CDH2: variants seen among roughly 807,000 people sequenced by gnomAD.
CDH2 encodes cadherin 2, also known as cadherin-2.
A neutral mutation model predicts 92.0 loss-of-function variants in CDH2; 17 were observed. The observed-to-expected ratio is 0.18, with a 90% CI of 0.13 to 0.28. The LOEUF (loss-of-function observed/expected upper bound fraction) is 0.28. Among genes scored for constraint, CDH2 ranks in the 10% least tolerant of loss-of-function variants. The pLI, the probability that CDH2 is intolerant of heterozygous loss-of-function variation, is 1.00. For missense variants in CDH2, 862 were observed against 1,133.1 expected, an observed-to-expected ratio of 0.76 and a Z score of 3.44; for synonymous variants, 419 against 415.9, an observed-to-expected ratio of 1.01 and a Z score of -0.09.
intron 2 of CDH2, among the ~76,000 whole-genome samples, chr18:28,063,764 A>T (rs1393483972): frequency 6.6e-6 from 1 of 152,236 alleles, no homozygotes; most frequent in East Asian, 1.9e-4. Context: ...GTAAAACTTC[A>T]TACCATTTAA....
intron 2 of CDH2, among the ~76,000 whole-genome samples, chr18:28,110,456 G>T (rs1238799906): frequency 6.6e-6 from 1 of 152,036 alleles, no homozygotes; most frequent in African/African-American, 2.4e-5. Flanking sequence ...ACCAAGAAAA[G>T]AAGTCAGTTG....
At chr18:28,086,443 T>C (rs1204181438) in intron 2 of CDH2, among the ~76,000 whole-genome samples, 3 of 152,058 alleles carry the variant, frequency 2.0e-5, no homozygotes, top group Non-Finnish European at 4.4e-5. Context: ...TTATTTATCA[T>C]TCAATCACAC....
intron 2 of CDH2, among the ~76,000 whole-genome samples, chr18:28,064,229 C>T (rs2014462471): frequency 6.6e-6 from 1 of 151,954 alleles, no homozygotes; most frequent in Admixed American, 6.6e-5. Context: ...GGAGGCAATC[C>T]CTGGGGAGTG....
chr18:27,997,964 G>A (rs965421986), intron 7 of CDH2, among the ~76,000 whole-genome samples: 3 of 151,954 alleles, frequency 2.0e-5, no homozygotes, highest in Admixed American at 6.6e-5. Context: ...CCGCAACCAC[G>A]CCTGGCTAAT....
intron 2 of CDH2, among the ~76,000 whole-genome samples, chr18:28,145,702 C>G (rs902286639): frequency 6.6e-6 from 1 of 151,844 alleles, no homozygotes; most frequent in Non-Finnish European, 1.5e-5. Context: ...TTCTTCCTTC[C>G]AAAAAGTTGT....
At chr18:28,155,711 G>A (rs2016198608) in intron 1 of CDH2, among the ~76,000 whole-genome samples, 2 of 152,186 alleles carry the variant, frequency 1.3e-5, no homozygotes, top group Non-Finnish European at 2.9e-5. Context: ...AGTACATGGT[G>A]ATAGAGTAAT....
intron 6 of CDH2, among the ~76,000 whole-genome samples, chr18:28,005,404 C>T (rs572251203): frequency 6.6e-5 from 10 of 152,256 alleles, no homozygotes; most frequent in East Asian, 1.9e-4. Context: ...GCTATGACTT[C>T]GCCACCTAGT....
intron 2 of CDH2, among the ~76,000 whole-genome samples, chr18:28,089,030 G>A (rs2014988830): frequency 6.6e-6 from 1 of 152,136 alleles, no homozygotes; most frequent in Non-Finnish European, 1.5e-5. Context: ...CTGTGATTTA[G>A]TTTCATTCAT....
Position 28,147,718 on chromosome 18 carries a change from C to A in CDH2, c.127G>T (p.Ala43Ser). The A allele has an allele frequency of 6.2e-7, 1 of 1,612,656 alleles. No homozygotes were observed. Among genetic ancestry groups the A allele is most frequent in the Non-Finnish European group, 8.5e-7 (1 of 1,179,200 alleles). ...TCATGCACATCCTTCGATAAGACTG[C>A]ACTGTAAACATCTTCAGGAAATCCA... ...KTGFPEDVYS[A>S]VLSKDVHEGQ... is the part of the protein sequence containing the mutation. The change falls in exon 2 of 16, where the codon GCA (alanine) becomes TCA (serine). Residue 43 changes from alanine to serine, a missense_variant. Transcript: ENST00000269141.
intron 1 of CDH2, among the ~76,000 whole-genome samples, chr18:28,167,192 T>A (rs2016398286): frequency 6.6e-6 from 1 of 152,100 alleles, no homozygotes; most frequent in South Asian, 2.1e-4. Flanking sequence ...TTGTCTCCAC[T>A]CTCGTTCTAA....
intron 2 of CDH2, among the ~76,000 whole-genome samples, chr18:28,103,169 T>C (rs2015256112): frequency 6.8e-6 from 1 of 146,168 alleles, no homozygotes; most frequent in Non-Finnish European, 1.5e-5. Context: ...CCTTTATATA[T>C]ATATAAAGTA....
At chr18:28,064,773 A>C (rs796344117) in intron 2 of CDH2, among the ~76,000 whole-genome samples, 6 of 152,192 alleles carry the variant, frequency 3.9e-5, no homozygotes, top group African/African-American at 1.2e-4. Context: ...GCCTTGAGAG[A>C]ATCAGGTCCC....
At chr18:28,123,838 G>T (rs1295615798) in intron 2 of CDH2, among the ~76,000 whole-genome samples, 1 of 152,106 alleles carries the variant, frequency 6.6e-6, no homozygotes, top group East Asian at 1.9e-4. Flanking sequence ...AGAACTGAAA[G>T]CACTTTTGTT....
chr18:28,015,147 G>C (rs2013208115), intron 2 of CDH2, among the ~76,000 whole-genome samples: 1 of 152,054 alleles, frequency 6.6e-6, no homozygotes, highest in African/African-American at 2.4e-5. Context: ...CAGTTCTTCT[G>C]CTGTCATTAG....
downstream of CDH2, among the ~76,000 whole-genome samples, chr18:27,949,870 T>TA (rs1266030996): frequency 1.3e-5 from 2 of 151,886 alleles, no homozygotes; most frequent in African/African-American, 4.8e-5. Context: ...TACAAACACT[T>TA]AAAGTTTATA....
chr18:27,977,812 G>T (rs2011900214), intron 14 of CDH2, among the ~76,000 whole-genome samples: 1 of 152,114 alleles, frequency 6.6e-6, no homozygotes, highest in Non-Finnish European at 1.5e-5. Context: ...AAGCAGATCA[G>T]ACCAGCACCT....
intron 1 of CDH2, among the ~76,000 whole-genome samples, chr18:28,158,225 C>A (rs1008456722): frequency 5.9e-5 from 9 of 152,222 alleles, no homozygotes; most frequent in Non-Finnish European, 8.8e-5. Context: ...CAAGGCACAG[C>A]TTCCAGAAAT....
Position 28,176,933 on chromosome 18 carries a change from G to A in CDH2, c.60+30C>T, listed in dbSNP as rs1250685546. 9.7e-6 allele frequency: 9 copies of A among 927,736 alleles called. No homozygotes were observed. In the South Asian group the frequency reaches 1.7e-4, roughly 17 times the overall value. The allele number at this position is 927,736 out of a possible 1,614,324, so 57.5% of individuals were successfully genotyped here. On this transcript the variant is annotated intron_variant, in intron 1 of 15. Transcript: ENST00000269141. The stretch of plus-strand genomic sequence containing the variant: ...CGGCGCCGCCCGCCCCACCCCGCCC[G>A]TGGCCCGGCCCGCGGGGACCGCCGC...
chr18:27,948,475 C>A (rs578035443), downstream of CDH2, among the ~76,000 whole-genome samples: 1 of 151,788 alleles, frequency 6.6e-6, no homozygotes, highest in South Asian at 2.1e-4. Context: ...AAGACCTTCT[C>A]AAAAATCTAG....
Sources: gnomAD v4.1 joint callset for allele counts (sites outside exome capture counted in the v4.1 genomes callset) on GRCh38, gnomAD v4.1.1 for gene constraint, MANE v1.5 for transcripts, NCBI Gene and HGNC (gene_info 2026-07-23, HGNC 2026-07-21) for gene names.